The following KCNIP1 variants were observed in gnomAD, a reference collection of about 807,000 sequenced individuals.
The protein encoded by KCNIP1 is potassium voltage-gated channel interacting protein 1, also known as A-type potassium channel modulatory protein KCNIP1.
Under a neutral mutation model 33.0 loss-of-function variants are expected in KCNIP1, and 18 were observed. That is an observed-to-expected ratio of 0.55 (90% CI 0.38 to 0.81). The LOEUF (loss-of-function observed/expected upper bound fraction) is 0.81, where lower values mean the gene tolerates loss of function less well. KCNIP1 is among the 30% of genes least tolerant of loss of function. KCNIP1 has a pLI of 0.00. For missense variants in KCNIP1, 238 were observed against 271.6 expected (o/e 0.88, Z 0.87); for synonymous variants, 93 against 98.3 (o/e 0.95, Z 0.32).
chr5:170,463,227 T>C lies in KCNIP1; in HGVS notation c.88+109263T>C, dbSNP rs575167247. ...ACAGCTTAAGCCCAGACAGCTTCAC[T>C]GGTGAATTATACAGAATATTTAAAT... On this transcript the variant is annotated intron_variant, in intron 1 of 7. Transcript: ENST00000377360. Among the ~76,000 whole-genome samples the C allele has an allele frequency of 4.2e-3, 647 of 152,378 alleles. 8 individuals carry two copies. Among genetic ancestry groups the C allele is most frequent in the South Asian group, 0.038 (182 of 4,828 alleles).
intron 1 of KCNIP1, among the ~76,000 whole-genome samples, chr5:170,597,792 T>A (rs1203696690): frequency 7.4e-3 from 9 of 1,210 alleles, no homozygotes; most frequent in African/African-American, 0.012. Context: ...TAAATATATA[T>A]ATATATATAT....
intron 1 of KCNIP1, among the ~76,000 whole-genome samples, chr5:170,685,420 C>G (rs896587576): frequency 6.7e-6 from 1 of 148,748 alleles, no homozygotes; most frequent in Non-Finnish European, 1.5e-5. Context: ...CTTCTAAAAT[C>G]CAGCCCAAAA....
At chr5:170,645,576 G>A in intron 1 of KCNIP1, among the ~76,000 whole-genome samples, 1 of 152,174 alleles carries the variant, frequency 6.6e-6, no homozygotes, top group East Asian at 1.9e-4. Flanking sequence ...CAGGCAGAAA[G>A]TCAGTCAAGG....
Position 170,565,604 on chromosome 5 carries a change from T to A in KCNIP1, c.61+60971T>A, listed in dbSNP as rs76111853. Reference sequence around the variant, plus strand: ...AGTACCTACTATGTGCCAGGCACTGTTAGACACTTTATACACATTATCTCA... The same window carrying A: ...AGTACCTACTATGTGCCAGGCACTGATAGACACTTTATACACATTATCTCA... On this transcript the variant is annotated intron_variant, in intron 1 of 7. Coordinates refer to ENST00000328939, the MANE Select transcript of KCNIP1 (RefSeq NM_014592.4). 7.7e-4 allele frequency among the ~76,000 whole-genome samples: 117 copies of A among 152,330 alleles called. 1 individual carries two copies. The East Asian group carries it at 0.017, about 22-fold the overall frequency.
chr5:170,598,321 C>G (rs949751000), intron 1 of KCNIP1, among the ~76,000 whole-genome samples: 1 of 152,100 alleles, frequency 6.6e-6, no homozygotes, highest in African/African-American at 2.4e-5. Context: ...TCCAGACCAG[C>G]AGGAACCAGG....
At chr5:170,681,314 T>C (rs1318878925) in intron 1 of KCNIP1, 4 of 391,320 alleles carry the variant, frequency 1.0e-5, no homozygotes, top group Non-Finnish European at 1.4e-5. Flanking sequence ...TGAAACAGCG[T>C]GGTATTGGTC....
At chr5:170,601,691 C>T (rs571055646) in intron 1 of KCNIP1, among the ~76,000 whole-genome samples, 1 of 152,370 alleles carries the variant, frequency 6.6e-6, no homozygotes, top group South Asian at 2.1e-4. Flanking sequence ...TAAACACCTG[C>T]TCTGGGCCAC....
chr5:170,686,663 G>A (rs1159174566), intron 1 of KCNIP1, among the ~76,000 whole-genome samples: 2 of 152,168 alleles, frequency 1.3e-5, no homozygotes, highest in African/African-American at 4.8e-5. Flanking sequence ...GTGAGTGTCT[G>A]AAAACTGGCT....
chr5:170,706,346 C>A (rs533512973), intron 1 of KCNIP1, among the ~76,000 whole-genome samples: 1 of 152,298 alleles, frequency 6.6e-6, no homozygotes, highest in South Asian at 2.1e-4. Context: ...AGAGCTGGGT[C>A]ATACCGTGCT....
chr5:170,563,293 C>T (rs761195309), intron 1 of KCNIP1, among the ~76,000 whole-genome samples: 12 of 152,216 alleles, frequency 7.9e-5, no homozygotes, highest in Non-Finnish European at 1.5e-4. Flanking sequence ...GTGATTATTC[C>T]GACTTTGGAT....
At chr5:170,554,346 C>G (rs767664722) in intron 1 of KCNIP1, among the ~76,000 whole-genome samples, 1 of 152,126 alleles carries the variant, frequency 6.6e-6, no homozygotes, top group South Asian at 2.1e-4. Context: ...CCAGCTTATC[C>G]GGATTCGAGA....
intron 1 of KCNIP1, among the ~76,000 whole-genome samples, chr5:170,567,650 C>G (rs960572357): frequency 4.6e-5 from 7 of 152,168 alleles, no homozygotes; most frequent in African/African-American, 7.2e-5. Flanking sequence ...TGGTGAGGAG[C>G]CTTTCTGATC....
At chr5:170,407,642 A>G (rs773882034) in intron 1 of KCNIP1, among the ~76,000 whole-genome samples, 10 of 152,186 alleles carry the variant, frequency 6.6e-5, no homozygotes, top group Admixed American at 2.0e-4. Flanking sequence ...TTCAGAACAC[A>G]TTTTAGGATC....
chr5:170,385,010 T>C (rs1196067568), intron 1 of KCNIP1, among the ~76,000 whole-genome samples: 4 of 152,204 alleles, frequency 2.6e-5, no homozygotes, highest in Non-Finnish European at 5.9e-5. Flanking sequence ...GGGATCAAAC[T>C]TGCACTGGAA....
intron 1 of KCNIP1, among the ~76,000 whole-genome samples, chr5:170,597,822 T>A (rs1313572948): frequency 3.7e-5 from 2 of 53,822 alleles, no homozygotes; most frequent in African/African-American, 5.7e-5. Flanking sequence ...TATATATATA[T>A]ATATATATGA....
intron 1 of KCNIP1, among the ~76,000 whole-genome samples, chr5:170,450,691 C>T (rs900734728): frequency 9.2e-5 from 14 of 152,260 alleles, no homozygotes; most frequent in East Asian, 1.9e-4. Context: ...CGACCACCTC[C>T]GCCCCGATCC....
intron 1 of KCNIP1, among the ~76,000 whole-genome samples, chr5:170,617,348 G>A (rs1459800428): frequency 6.6e-5 from 10 of 152,028 alleles, no homozygotes; most frequent in East Asian, 1.9e-4. Flanking sequence ...TCTTTGAGCC[G>A]GCAGGTTAAG....
intron 1 of KCNIP1, among the ~76,000 whole-genome samples, chr5:170,490,442 G>A (rs1561649091): frequency 6.6e-6 from 1 of 152,178 alleles, no homozygotes; most frequent in South Asian, 2.1e-4. Flanking sequence ...AAATCTATGT[G>A]TGTGATAAAA....
chr5:170,619,085 T>G (rs770110125), intron 1 of KCNIP1, among the ~76,000 whole-genome samples: 2 of 152,216 alleles, frequency 1.3e-5, no homozygotes, highest in Non-Finnish European at 2.9e-5. Flanking sequence ...AAGAGACGGA[T>G]GGATAACTGA....
Sources: gnomAD v4.1 joint callset for allele counts (sites outside exome capture counted in the v4.1 genomes callset) on GRCh38, gnomAD v4.1.1 for gene constraint, MANE v1.5 for transcripts, NCBI Gene and HGNC (gene_info 2026-07-23, HGNC 2026-07-21) for gene names.